The following MRLN variants were observed in gnomAD, a reference collection of about 807,000 sequenced individuals.
MRLN encodes myoregulin.
rs556543066 is a variant in MRLN, at chr10:59,740,773, T to G, written c.-124-2211A>C. ...TGAAATTTAATTTTTTTCTTTTTCT[T>G]TGTTTTCTTTCTTTCTTTCTTTCTT... On this transcript the variant is annotated intron_variant, in intron 1 of 2. Transcript: ENST00000414264. Among the ~76,000 whole-genome samples, 599 of 124,082 alleles carry G rather than the reference T, an allele frequency of 4.8e-3. 5 individuals are homozygous for G. The highest frequency in any genetic ancestry group is 0.017 in the African/African-American group (547 of 33,010). The allele number at this position is 124,082 out of a possible 152,430, so 81.4% of individuals were successfully genotyped here.
At chr10:59,745,078 C>T (rs1324359339) in intron 1 of MRLN, among the ~76,000 whole-genome samples, 2 of 151,656 alleles carry the variant, frequency 1.3e-5, no homozygotes, top group Non-Finnish European at 2.9e-5. Flanking sequence ...AAATCCCCCT[C>T]TCTGAGAAAC....
At chr10:59,741,813 C>T (rs544415441) in intron 1 of MRLN, among the ~76,000 whole-genome samples, 11 of 152,242 alleles carry the variant, frequency 7.2e-5, no homozygotes, top group South Asian at 4.1e-4. Context: ...TGAGTAGCTA[C>T]GGCTACAGGT....
At chr10:59,743,204 G>A (rs111377417) in intron 1 of MRLN, among the ~76,000 whole-genome samples, 5,312 of 102,124 alleles carry the variant, frequency 0.052, 153 homozygotes, top group South Asian at 0.12. Flanking sequence ...ACTGCCACCC[G>A]CCCCCGCCCC....
intron 1 of MRLN, among the ~76,000 whole-genome samples, chr10:59,740,800 CTTT>C (rs1840975400): frequency 7.1e-6 from 1 of 141,466 alleles, no homozygotes; most frequent in Non-Finnish European, 1.5e-5. Flanking sequence ...TTCTTTCTTT[CTTT>C]CTTTTTTTTT....
intron 1 of MRLN, among the ~76,000 whole-genome samples, chr10:59,741,937 C>T (rs943572481): frequency 2.0e-5 from 3 of 152,158 alleles, no homozygotes; most frequent in African/African-American, 4.8e-5. Context: ...AACAGGAGTG[C>T]GATTCTAGCT....
intron 2 of MRLN, 51 bp downstream of exon 2, chr10:59,738,408 G>A (rs935567955): frequency 3.9e-5 from 6 of 152,142 alleles, no homozygotes; most frequent in South Asian, 2.1e-4. Context: ...AGTGAGGAGG[G>A]GAATAGACAA....
At chr10:59,752,470 T>C (rs549102599) in intron 1 of MRLN, among the ~76,000 whole-genome samples, 59 of 152,236 alleles carry the variant, frequency 3.9e-4, no homozygotes, top group Non-Finnish European at 7.6e-4. Flanking sequence ...GAGTACTTTC[T>C]TAGGATCACA....
intron 1 of MRLN, among the ~76,000 whole-genome samples, chr10:59,753,048 G>A (rs1176034144): frequency 1.3e-5 from 2 of 152,156 alleles, no homozygotes; most frequent in Non-Finnish European, 2.9e-5. Flanking sequence ...CACAGGTCTT[G>A]GTCAAGTAGT....
At chr10:59,739,234 A>G (rs1276144574) in intron 1 of MRLN, 3 of 152,212 alleles carry the variant, frequency 2.0e-5, no homozygotes, top group Admixed American at 1.3e-4. Context: ...CTTCGTATGT[A>G]AGTGACCATA....
At chr10:59,749,917 A>G (rs1442007793) in intron 1 of MRLN, among the ~76,000 whole-genome samples, 1 of 152,024 alleles carries the variant, frequency 6.6e-6, no homozygotes, top group East Asian at 1.9e-4. Flanking sequence ...CATGAGCAGC[A>G]GGGTGTTGGC....
In MRLN at chr10:59,740,438, G is replaced by A. The variant is rs1202182675; in HGVS notation, c.-124-1876C>T. 7.2e-5 allele frequency among the ~76,000 whole-genome samples: 11 copies of A among 152,174 alleles called. 1 individual carries two copies. Among genetic ancestry groups the A allele is most frequent in the Non-Finnish European group, 2.9e-5 (2 of 68,034 alleles). On this transcript the variant is annotated intron_variant, in intron 1 of 2. Coordinates refer to ENST00000414264, the MANE Select transcript of MRLN (RefSeq NM_001304731.2). Reference sequence around the variant, plus strand: ...AGAAGAAGGCATCATTATCACAGGAGATGACAGCTCCATGCATGCTATTGT... The same window carrying A: ...AGAAGAAGGCATCATTATCACAGGAAATGACAGCTCCATGCATGCTATTGT...
Position 59,742,201 on chromosome 10 carries a change from T to G in MRLN, c.-124-3639A>C, listed in dbSNP as rs188205832. Among the ~76,000 whole-genome samples the G allele has an allele frequency of 1.5e-3, 227 of 152,290 alleles. 1 individual carries two copies. Among genetic ancestry groups the G allele is most frequent in the Admixed American group, 2.1e-3 (32 of 15,278 alleles). On this transcript the variant is annotated intron_variant, in intron 1 of 2. Transcript: ENST00000414264. ...AAATGCCATTAGTACACGGATAAAT[T>G]GTGGCATAGTCATATAATGGAATAT... is the stretch of plus-strand genomic sequence containing the variant.
chr10:59,750,302 C>A (rs182089825), intron 1 of MRLN, among the ~76,000 whole-genome samples: 2 of 152,008 alleles, frequency 1.3e-5, no homozygotes, highest in Non-Finnish European at 2.9e-5. Flanking sequence ...AACTCCTGAC[C>A]TCAGGTGATC....
intron 1 of MRLN, among the ~76,000 whole-genome samples, chr10:59,752,956 C>T (rs1005561799): frequency 6.6e-6 from 1 of 152,184 alleles, no homozygotes; most frequent in Non-Finnish European, 1.5e-5. Context: ...CCTACATATA[C>T]TTTTCATATG....
intron 1 of MRLN, among the ~76,000 whole-genome samples, chr10:59,752,587 C>T (rs969925418): frequency 1.3e-5 from 2 of 152,178 alleles, no homozygotes; most frequent in East Asian, 3.9e-4. Flanking sequence ...GCCTGGTGCA[C>T]ATGTTCAAGA....
chr10:59,744,596 C>A (rs1414424143), intron 1 of MRLN, among the ~76,000 whole-genome samples: 1 of 152,132 alleles, frequency 6.6e-6, no homozygotes, highest in African/African-American at 2.4e-5. Context: ...AGCCGCCACC[C>A]GGTCTGGGAG....
intron 1 of MRLN, chr10:59,744,275 G>C (rs991419855): frequency 6.4e-6 from 1 of 156,420 alleles, no homozygotes; most frequent in African/African-American, 2.5e-5. Context: ...CTGCCCCACC[G>C]TCCCGTCTGA....
At chr10:59,743,210 G>A (rs527529029) in intron 1 of MRLN, among the ~76,000 whole-genome samples, 91 of 44,026 alleles carry the variant, frequency 2.1e-3, no homozygotes, top group Non-Finnish European at 3.1e-3. Context: ...ACCCGCCCCC[G>A]CCCCCCACCA....
At chr10:59,739,526 G>A (rs1271112516) in intron 1 of MRLN, 1 of 152,122 alleles carries the variant, frequency 6.6e-6, no homozygotes, top group African/African-American at 2.4e-5. Context: ...AAGAAAAAAA[G>A]TCTGTACATA....
Sources: allele counts gnomAD v4.1 joint callset (sites outside exome capture counted in the v4.1 genomes callset), GRCh38; gene constraint gnomAD v4.1.1; transcripts MANE v1.5; gene names NCBI Gene and HGNC (gene_info 2026-07-23, HGNC 2026-07-21).